ZBTB38: variants seen among roughly 807,000 people sequenced by gnomAD.
The protein encoded by ZBTB38 is zinc finger and BTB domain containing 38.
ZBTB38 carries 20 observed loss-of-function variants against 76.8 expected under a neutral mutation model. That is an observed-to-expected ratio of 0.26 (90% CI 0.18 to 0.38). ZBTB38 has a LOEUF of 0.38. ZBTB38 is among the 10% of genes least tolerant of loss of function. The pLI is 1.00. For missense variants in ZBTB38, 1,082 were observed against 1,482.3 expected (o/e 0.73, Z 4.43); for synonymous variants, 504 against 544.2 (o/e 0.93, Z 1.03).
intron 5 of ZBTB38, among the ~76,000 whole-genome samples, chr3:141,440,178 C>T (rs1389810348): frequency 1.3e-5 from 2 of 152,176 alleles, no homozygotes; most frequent in Non-Finnish European, 2.9e-5. Flanking sequence ...ACAATAGGCA[C>T]ACCAGAAACC....
chr3:141,367,235 G>A (rs1254235988), upstream of ZBTB38: 1 of 152,260 alleles, frequency 6.6e-6, no homozygotes, highest in Non-Finnish European at 1.5e-5. Flanking sequence ...AGGCAACAAA[G>A]ACAAGCGTGG....
At chr3:141,435,803 C>G (rs1393954750) in intron 5 of ZBTB38, among the ~76,000 whole-genome samples, 1 of 151,852 alleles carries the variant, frequency 6.6e-6, no homozygotes, top group Admixed American at 6.6e-5. Flanking sequence ...AAAAGCTATT[C>G]CAGCTAAAAT....
At chr3:141,421,819 T>A (rs1284900371) in intron 5 of ZBTB38, among the ~76,000 whole-genome samples, 1 of 152,240 alleles carries the variant, frequency 6.6e-6, no homozygotes, top group African/African-American at 2.4e-5. Context: ...CATCCCAAGC[T>A]CTGGTCATAG....
intron 5 of ZBTB38, among the ~76,000 whole-genome samples, chr3:141,411,679 G>C (rs1956704502): frequency 6.6e-6 from 1 of 152,198 alleles, no homozygotes; most frequent in East Asian, 1.9e-4. Context: ...GGCTGCCCCT[G>C]AGTGCTGTGC....
chr3:141,353,919 C>G (rs905722893), intron 1 of ZBTB38, among the ~76,000 whole-genome samples: 1 of 152,148 alleles, frequency 6.6e-6, no homozygotes, highest in African/African-American at 2.4e-5. Flanking sequence ...TGCAGAACAA[C>G]ATGATCATCA....
chr3:141,373,232 T>C (rs1944893930), intron 2 of ZBTB38, among the ~76,000 whole-genome samples: 1 of 152,280 alleles, frequency 6.6e-6, no homozygotes, highest in South Asian at 2.1e-4. Flanking sequence ...AAAGTTAGAC[T>C]TTGTTGAGCT....
intron 5 of ZBTB38, among the ~76,000 whole-genome samples, chr3:141,429,488 T>A (rs2077041631): frequency 6.6e-6 from 1 of 152,152 alleles, no homozygotes; most frequent in Non-Finnish European, 1.5e-5. Flanking sequence ...AAATGCATGG[T>A]CATGTCACTT....
chr3:141,339,339 G>C (rs1189779186), intron 1 of ZBTB38, among the ~76,000 whole-genome samples: 1 of 152,188 alleles, frequency 6.6e-6, no homozygotes, highest in East Asian at 1.9e-4. Flanking sequence ...AATGTGATAG[G>C]AAGCCTTTGG....
chr3:141,439,626 C>T (rs149339730), intron 5 of ZBTB38, among the ~76,000 whole-genome samples: 4 of 152,138 alleles, frequency 2.6e-5, no homozygotes, highest in Admixed American at 6.5e-5. Context: ...TTTGAAATGC[C>T]GTATTCCGCA....
intron 3 of ZBTB38, among the ~76,000 whole-genome samples, chr3:141,381,866 G>C (rs532579567): frequency 1.3e-5 from 2 of 152,052 alleles, no homozygotes; most frequent in Admixed American, 6.5e-5. Context: ...GAACTGGAAG[G>C]GACCTGAGAC....
In ZBTB38 at chr3:141,443,346, A is replaced by C. The variant is rs1389200571; in HGVS notation, c.958A>C (p.Arg320=). 4 of 1,614,084 alleles carry C rather than the reference A, an allele frequency of 2.5e-6. No individual in the cohort carries two copies. The highest frequency in any genetic ancestry group is 1.3e-5 in the African/African-American group (1 of 74,924). The change falls in exon 6 of 6, where the codon AGG becomes CGG. Residue 320 remains arginine, a synonymous_variant. Transcript: ENST00000321464. This position sits in a 1 kb window ranked among gnomAD's most constrained non-coding sequence, Gnocchi z 5.6. ...PNNEGDVHFS[R]EDENQSSDVP... ...CAATGAAGGAGATGTCCATTTTTCC[A>C]GGGAAGATGAAAATCAATCTTCTGA...
Position 141,442,280 on chromosome 3 carries a change from C to T in ZBTB38, c.1-109C>T. 2 of 801,848 alleles carry T rather than the reference C, an allele frequency of 2.5e-6. No individual in the cohort carries two copies. The highest frequency in any genetic ancestry group is 1.8e-5 in the South Asian group (1 of 54,406). The allele number at this position is 801,848 out of a possible 1,614,324, so 49.7% of individuals were successfully genotyped here. On this transcript the variant is annotated intron_variant, in intron 5 of 5. Transcript: ENST00000321464. The surrounding 1 kb of genome is among the most constrained non-coding windows in gnomAD (Gnocchi z 6.4). ...GAGCATCAACAGAATGAGATAAAAA[C>T]CTGAAGTTTCATACAAAAGAACAGT...
chr3:141,429,519 G>A (rs1049827267), intron 5 of ZBTB38, among the ~76,000 whole-genome samples: 4 of 152,194 alleles, frequency 2.6e-5, no homozygotes, highest in Middle Eastern at 3.4e-3. Flanking sequence ...CATTTACTGC[G>A]TGCTCCTGCC....
At chr3:141,342,252 G>C (rs1170027635) in intron 1 of ZBTB38, among the ~76,000 whole-genome samples, 1 of 152,074 alleles carries the variant, frequency 6.6e-6, no homozygotes, top group Non-Finnish European at 1.5e-5. Context: ...TTGAACCCGG[G>C]AGGCAGAGGT....
chr3:141,345,317 T>C (rs542199866), intron 1 of ZBTB38, among the ~76,000 whole-genome samples: 1 of 151,948 alleles, frequency 6.6e-6, no homozygotes, highest in African/African-American at 2.4e-5. Context: ...GTCAGTCCTG[T>C]GACACAGATA....
At chr3:141,384,228 C>T (rs1474371516) in intron 3 of ZBTB38, among the ~76,000 whole-genome samples, 2 of 152,240 alleles carry the variant, frequency 1.3e-5, no homozygotes, top group Non-Finnish European at 2.9e-5. Flanking sequence ...GGTTTGGAAA[C>T]TGCCCTGGCA....
chr3:141,334,504 TC>T (rs1942959247), intron 1 of ZBTB38, among the ~76,000 whole-genome samples: 1 of 151,044 alleles, frequency 6.6e-6, no homozygotes, highest in Admixed American at 6.6e-5. Flanking sequence ...TTCCTTCCTT[TC>T]CTTCCTTCTC....
intron 1 of ZBTB38, among the ~76,000 whole-genome samples, chr3:141,351,721 T>TAAA (rs11367112): frequency 8.1e-6 from 1 of 123,156 alleles, no homozygotes; most frequent in African/African-American, 2.9e-5. Context: ...CTCTGTCTCT[T>TAAA]AAAAAAAAAA....
At position 141,443,178 on chromosome 3, in the gene ZBTB38, C is replaced by A. The variant is rs201135573; in HGVS notation, c.790C>A (p.Arg264=). 1.4e-4 allele frequency: 230 copies of A among 1,614,158 alleles called. No individual in the cohort carries two copies. The African/African-American group carries it at 2.7e-3, about 19-fold the overall frequency. The change falls in exon 6 of 6, where the codon CGG becomes AGG. Residue 264 remains arginine, a synonymous_variant. Transcript: ENST00000321464. The surrounding 1 kb of genome is among the most constrained non-coding windows in gnomAD (Gnocchi z 5.6). ...EALAAKPKTC[R]KPKTFSIPQD... ...CCTTGCAGCGAAACCGAAAACATGC[C>A]GGAAGCCAAAGACATTCTCCATACC...
Sources: gnomAD v4.1 joint callset for allele counts (sites outside exome capture counted in the v4.1 genomes callset) on GRCh38, gnomAD v4.1.1 for gene constraint, Gnocchi (gnomAD v3.1) non-coding constraint, MANE v1.5 for transcripts, NCBI Gene and HGNC (gene_info 2026-07-23, HGNC 2026-07-21) for gene names.